Variants in IL1RAPL2 observed in about 807,000 individuals in gnomAD.
The protein encoded by IL1RAPL2 is interleukin 1 receptor accessory protein like 2, also known as X-linked interleukin-1 receptor accessory protein-like 2.
IL1RAPL2 carries 3 observed loss-of-function variants against 44.1 expected under a neutral mutation model. The observed-to-expected ratio is 0.07, with a 90% CI of 0.03 to 0.18. The LOEUF (loss-of-function observed/expected upper bound fraction) is 0.18. IL1RAPL2 is among the 10% of genes least tolerant of loss of function. The pLI, the probability that IL1RAPL2 is intolerant of heterozygous loss-of-function variation, is 1.00. For missense variants in IL1RAPL2, 391 were observed against 496.4 expected (o/e 0.79, Z 2.02); for synonymous variants, 181 against 178.8 (o/e 1.01, Z -0.10).
chrX:105,514,144 A>C (rs1290858257), intron 6 of IL1RAPL2, among the ~76,000 whole-genome samples: 1 of 111,611 alleles, frequency 9.0e-6, no homozygotes, highest in Non-Finnish European at 1.9e-5. Flanking sequence ...ATTTTCTAAG[A>C]AAAATTGGTG....
At chrX:104,818,064 TAGTC>T (rs1027944375) in intron 2 of IL1RAPL2, among the ~76,000 whole-genome samples, 2 of 110,272 alleles carry the variant, frequency 1.8e-5, no homozygotes, top group African/African-American at 6.6e-5. Flanking sequence ...AGTATATAGT[TAGTC>T]AGTTTTGGCC....
At chrX:104,880,189 C>T (rs1037904214) in intron 2 of IL1RAPL2, among the ~76,000 whole-genome samples, 1 of 111,313 alleles carries the variant, frequency 9.0e-6, no homozygotes, top group Non-Finnish European at 1.9e-5. Flanking sequence ...ATGCCTGGAA[C>T]AAATTATGAA....
At chrX:105,172,638 T>G (rs2033434194) in intron 2 of IL1RAPL2, among the ~76,000 whole-genome samples, 1 of 111,985 alleles carries the variant, frequency 8.9e-6, no homozygotes, top group African/African-American at 3.3e-5. Context: ...AGATTTTTTC[T>G]GACTTCCCTC....
chrX:104,911,032 AAAC>A (rs1415019635), intron 2 of IL1RAPL2, among the ~76,000 whole-genome samples: 1 of 112,098 alleles, frequency 8.9e-6, no homozygotes, highest in Non-Finnish European at 1.9e-5. Flanking sequence ...ATAAAATAGA[AAAC>A]AAATGATATG....
At chrX:104,988,920 G>A (rs2030610515) in intron 2 of IL1RAPL2, among the ~76,000 whole-genome samples, 1 of 111,499 alleles carries the variant, frequency 9.0e-6, no homozygotes, top group Non-Finnish European at 1.9e-5. Flanking sequence ...ATTTAGGGCT[G>A]ATCACAAAAT....
chrX:105,437,996 G>A (rs754683872), intron 5 of IL1RAPL2, among the ~76,000 whole-genome samples: 3 of 111,788 alleles, frequency 2.7e-5, no homozygotes, highest in Non-Finnish European at 5.6e-5. Flanking sequence ...TGAAGAAATG[G>A]ATTCAACCTA....
intron 5 of IL1RAPL2, among the ~76,000 whole-genome samples, chrX:105,469,208 A>G (rs2036150217): frequency 9.0e-6 from 1 of 111,539 alleles, no homozygotes; most frequent in Non-Finnish European, 1.9e-5. Flanking sequence ...ATTGTGTCCA[A>G]AAAAGATTGT....
At chrX:105,379,224 C>A (rs753231414) in intron 5 of IL1RAPL2, among the ~76,000 whole-genome samples, 1 of 111,353 alleles carries the variant, frequency 9.0e-6, no homozygotes, top group African/African-American at 3.3e-5. Flanking sequence ...TTAATAGCTT[C>A]ATGGAGGGAG....
intron 4 of IL1RAPL2, among the ~76,000 whole-genome samples, chrX:105,236,932 G>A (rs1373534131): frequency 9.1e-6 from 1 of 110,409 alleles, no homozygotes; most frequent in Non-Finnish European, 1.9e-5. Context: ...TGCCATGTTG[G>A]TGTGCTGCAC....
At chrX:104,887,119 G>A (rs890256876) in intron 2 of IL1RAPL2, among the ~76,000 whole-genome samples, 1 of 112,285 alleles carries the variant, frequency 8.9e-6, no homozygotes, top group Admixed American at 9.4e-5. Context: ...AACAGTTGTG[G>A]GGGTTCCTTG....
At chrX:104,899,076 C>T (rs1323727444) in intron 2 of IL1RAPL2, among the ~76,000 whole-genome samples, 4 of 111,971 alleles carry the variant, frequency 3.6e-5, no homozygotes. Context: ...GTTATGGTTA[C>T]AGCTGACTAT....
intron 4 of IL1RAPL2, among the ~76,000 whole-genome samples, chrX:105,235,694 A>G (rs2034114495): frequency 8.9e-6 from 1 of 112,466 alleles, no homozygotes; most frequent in Non-Finnish European, 1.9e-5. Flanking sequence ...GACTACAGGT[A>G]ATTTGGTGGG....
At chrX:104,689,722 A>C (rs1224245232) in intron 2 of IL1RAPL2, among the ~76,000 whole-genome samples, 1 of 111,857 alleles carries the variant, frequency 8.9e-6, no homozygotes. Flanking sequence ...GGAAGATTCA[A>C]CTTAATGAGA....
intron 2 of IL1RAPL2, among the ~76,000 whole-genome samples, chrX:104,784,667 C>T (rs1932789578): frequency 9.1e-6 from 1 of 109,310 alleles, no homozygotes; most frequent in Non-Finnish European, 1.9e-5. Flanking sequence ...TGAGATCTGT[C>T]CTTTGAATAC....
intron 5 of IL1RAPL2, among the ~76,000 whole-genome samples, chrX:105,349,729 A>G (rs971966800): frequency 1.8e-5 from 2 of 111,908 alleles, no homozygotes; most frequent in African/African-American, 6.5e-5. Flanking sequence ...ATTTTAAGCA[A>G]CTCATTAACA....
chrX:105,011,500 C>T (rs7891259), intron 2 of IL1RAPL2, among the ~76,000 whole-genome samples: 2,583 of 111,223 alleles, frequency 0.023, 64 homozygotes, highest in African/African-American at 0.081. Flanking sequence ...ACAGCTAGTC[C>T]TTGGCATCCA....
chrX:104,813,067 T>C (rs1921037040), intron 2 of IL1RAPL2, among the ~76,000 whole-genome samples: 1 of 112,250 alleles, frequency 8.9e-6, no homozygotes, highest in Non-Finnish European at 1.9e-5. Flanking sequence ...AGATTACTTC[T>C]CAGAATAGCA....
intron 2 of IL1RAPL2, among the ~76,000 whole-genome samples, chrX:104,886,051 C>G (rs1465261479): frequency 1.8e-5 from 2 of 112,880 alleles, no homozygotes; most frequent in Non-Finnish European, 3.7e-5. Flanking sequence ...ACTGGCACAG[C>G]CTTCTCAGTG....
At chrX:105,760,791 T>A (rs1248839472) in intron 10 of IL1RAPL2, among the ~76,000 whole-genome samples, 1 of 112,038 alleles carries the variant, frequency 8.9e-6, no homozygotes, top group Non-Finnish European at 1.9e-5. Context: ...GCCTAAGAAA[T>A]TTAGCTCAGC....
Sources: allele counts gnomAD v4.1 joint callset (sites outside exome capture counted in the v4.1 genomes callset), GRCh38; gene constraint gnomAD v4.1.1; transcripts MANE v1.5; gene names NCBI Gene and HGNC (gene_info 2026-07-23, HGNC 2026-07-21).